TBC1D5: variants seen among roughly 807,000 people sequenced by gnomAD.
TBC1D5 encodes the protein TBC1 domain family, member 5.
A neutral mutation model predicts 100.3 loss-of-function variants in TBC1D5; 75 were observed. That is an observed-to-expected ratio of 0.75 (90% confidence interval 0.62 to 0.91). The LOEUF (loss-of-function observed/expected upper bound fraction) is 0.91, where lower values mean the gene tolerates loss of function less well. Ranked by LOEUF, TBC1D5 falls within the 40% of genes least tolerant of loss-of-function variation. TBC1D5 has a pLI of 0.00. For missense variants in TBC1D5, 910 were observed against 942.4 expected (o/e 0.97, Z 0.45); for synonymous variants, 323 against 325.6 (o/e 0.99, Z 0.09).
At chr3:17,491,550 C>T (rs1229689099) in intron 3 of TBC1D5, among the ~76,000 whole-genome samples, 2 of 151,980 alleles carry the variant, frequency 1.3e-5, no homozygotes, top group African/African-American at 2.4e-5. Flanking sequence ...CCTTTTCTGC[C>T]TCTATTGAGA....
At chr3:17,189,025 C>T (rs932392508) in intron 18 of TBC1D5, among the ~76,000 whole-genome samples, 5 of 152,168 alleles carry the variant, frequency 3.3e-5, no homozygotes, top group Non-Finnish European at 5.9e-5. Context: ...CAGCTGGGTT[C>T]ACATCCTATT....
intron 2 of TBC1D5, among the ~76,000 whole-genome samples, chr3:17,588,029 T>C (rs948719155): frequency 6.6e-6 from 1 of 152,060 alleles, no homozygotes; most frequent in Admixed American, 6.6e-5. Context: ...GATGGCTATT[T>C]CTTCAGAAAG....
intron 3 of TBC1D5, among the ~76,000 whole-genome samples, chr3:17,495,269 A>C (rs1179941767): frequency 6.6e-6 from 1 of 152,236 alleles, no homozygotes; most frequent in Non-Finnish European, 1.5e-5. Flanking sequence ...GCCTAATTAA[A>C]CTTCCTCCTG....
At chr3:17,292,103 C>A in intron 14 of TBC1D5, 102 bp from the exon 15 acceptor site, 1 of 951,590 alleles carries the variant, frequency 1.1e-6, no homozygotes. Flanking sequence ...GAAAGCAAAC[C>A]AATAACTCAA....
rs776778743 is a variant in TBC1D5 at position 17,308,109 on chromosome 3, G to A, written c.1021C>T (p.Arg341Ter). Reference sequence around the variant, plus strand: ...AGAAGGTCCTGCAGGGGGAACTCTCGTCCAAATAGCAGCCGCACCCACCTT... The same window carrying A: ...AGAAGGTCCTGCAGGGGGAACTCTCATCCAAATAGCAGCCGCACCCACCTT... Residue 341 changes from arginine (R) to a stop codon, truncating the protein, a stop_gained, in exon 14 of 22, where the codon CGA becomes TGA. Transcript: ENST00000253692. LOFTEE classifies it high-confidence loss of function. The A allele has an allele frequency of 1.4e-5, 22 of 1,595,490 alleles. No homozygotes were observed. Among genetic ancestry groups the A allele is most frequent in the Middle Eastern group, 1.7e-4 (1 of 6,040 alleles).
At chr3:17,451,679 G>A (rs899494649) in intron 3 of TBC1D5, among the ~76,000 whole-genome samples, 5 of 152,118 alleles carry the variant, frequency 3.3e-5, no homozygotes, top group South Asian at 2.1e-4. Context: ...TGTGGATGAC[G>A]GGTTAATGGG....
In TBC1D5 at chr3:17,361,796, T is replaced by C. The variant is rs184860660; in HGVS notation, c.995+10279A>G. Among the ~76,000 whole-genome samples, 11 of 152,134 alleles carry C rather than the reference T, an allele frequency of 7.2e-5. No individual in the cohort carries two copies. In the East Asian group the frequency reaches 2.1e-3, roughly 29 times the overall value. On this transcript the variant is annotated intron_variant, in intron 13 of 21. Transcript: ENST00000253692. ...AACATACTTAAAAAGAAGAAAGGTC[T>C]GAAGTCAATAATCTGACCTCCTACC...
intron 15 of TBC1D5, among the ~76,000 whole-genome samples, chr3:17,266,816 A>C (rs955679636): frequency 6.6e-6 from 1 of 152,134 alleles, no homozygotes; most frequent in African/African-American, 2.4e-5. Flanking sequence ...TATATTGTGA[A>C]AACTAGGTAT....
chr3:17,423,610 A>G (rs2094269402), intron 4 of TBC1D5, among the ~76,000 whole-genome samples: 1 of 152,146 alleles, frequency 6.6e-6, no homozygotes, highest in South Asian at 2.1e-4. Context: ...TTATTTTTAA[A>G]GTATCTAACT....
rs186288772 is a variant in TBC1D5 at position 17,443,788 on chromosome 3, G to A, written c.98-15269C>T. ...CTGAAATTTTAAAAATTCATAGATGGGCTCTGTAATGAAATGGATAAGACA... is the reference window on the plus strand; with the variant it reads ...CTGAAATTTTAAAAATTCATAGATGAGCTCTGTAATGAAATGGATAAGACA... On this transcript the variant is annotated intron_variant, in intron 3 of 21. Coordinates refer to ENST00000253692, the Ensembl canonical transcript of TBC1D5. Among the ~76,000 whole-genome samples, 154 of 152,176 alleles carry A rather than the reference G, an allele frequency of 1.0e-3. 2 individuals are homozygous for A. In the South Asian group the frequency reaches 0.018, roughly 18 times the overall value.
At chr3:17,729,421 A>AC (rs1170343592) in intron 1 of TBC1D5, among the ~76,000 whole-genome samples, 1 of 152,148 alleles carries the variant, frequency 6.6e-6, no homozygotes, top group African/African-American at 2.4e-5. Flanking sequence ...AAAATTAGGA[A>AC]ACCAGGCCGG....
intron 2 of TBC1D5, among the ~76,000 whole-genome samples, chr3:17,515,657 G>A (rs2095975904): frequency 6.6e-6 from 1 of 152,102 alleles, no homozygotes; most frequent in African/African-American, 2.4e-5. Context: ...CCTTTGTTAT[G>A]TTAACTATAA....
intron 4 of TBC1D5, among the ~76,000 whole-genome samples, chr3:17,425,105 C>T (rs1338943083): frequency 1.3e-5 from 2 of 151,972 alleles, no homozygotes; most frequent in East Asian, 3.9e-4. Flanking sequence ...TCTGCAATAC[C>T]AAAAGGTTAG....
chr3:17,642,740 A>G (rs1448323124), intron 1 of TBC1D5, among the ~76,000 whole-genome samples: 2 of 152,188 alleles, frequency 1.3e-5, no homozygotes, highest in Non-Finnish European at 2.9e-5. Context: ...AAGACATTTC[A>G]TTACTAAAAC....
At chr3:17,368,378 A>G (rs528139687) in intron 13 of TBC1D5, among the ~76,000 whole-genome samples, 2 of 152,256 alleles carry the variant, frequency 1.3e-5, no homozygotes, top group East Asian at 3.9e-4. Flanking sequence ...AGATATTAAC[A>G]TATATTCTCT....
rs528517227 is a variant in TBC1D5 at position 17,529,006 on chromosome 3, C to A, written c.-35-20401G>T. Among the ~76,000 whole-genome samples, 37 of 152,308 alleles carry A rather than the reference C, an allele frequency of 2.4e-4. 1 individual carries two copies. The South Asian group carries it at 6.0e-3, about 25-fold the overall frequency. ...AGCATCATCTGGATTAGTCTTGAAG[C>A]CTCTGGACAAGAACTCCCAGAATCC... is the stretch of plus-strand genomic sequence containing the variant. On this transcript the variant is annotated intron_variant, in intron 2 of 21. Transcript: ENST00000253692.
intron 3 of TBC1D5, among the ~76,000 whole-genome samples, chr3:17,441,850 A>G (rs781134548): frequency 1.7e-4 from 26 of 152,274 alleles, no homozygotes; most frequent in Non-Finnish European, 3.7e-4. Context: ...AAGACTTAAA[A>G]CAGATCACAA....
intron 2 of TBC1D5, among the ~76,000 whole-genome samples, chr3:17,516,357 G>A (rs2095987543): frequency 6.6e-6 from 1 of 151,828 alleles, no homozygotes; most frequent in African/African-American, 2.4e-5. Flanking sequence ...GTGGCCAAAA[G>A]ATTTCCTATT....
chr3:17,600,612 A>T (rs2060869924), intron 2 of TBC1D5, among the ~76,000 whole-genome samples: 1 of 152,232 alleles, frequency 6.6e-6, no homozygotes, highest in African/African-American at 2.4e-5. Context: ...ATAAAGCAGT[A>T]AAATGAAATG....
Sources: gnomAD v4.1 joint callset for allele counts (sites outside exome capture counted in the v4.1 genomes callset) on GRCh38, gnomAD v4.1.1 for gene constraint, MANE v1.5 for transcripts, NCBI Gene and HGNC (gene_info 2026-07-23, HGNC 2026-07-21) for gene names.